The following CCDC141 variants were observed in gnomAD, a reference collection of about 807,000 sequenced individuals.
CCDC141 encodes coiled-coil domain containing 141.
CCDC141 carries 168 observed loss-of-function variants against 181.0 expected under a neutral mutation model. The ratio of observed to expected loss-of-function variants is 0.93; its 90% confidence interval spans 0.82 to 1.05. CCDC141 has a LOEUF of 1.05. Among genes scored for constraint, CCDC141 ranks in the 50% least tolerant of loss-of-function variants. The pLI is 0.00. For missense variants in CCDC141, 1,902 were observed against 1,788.5 expected, an observed-to-expected ratio of 1.06 and a Z score of -1.14; for synonymous variants, 666 against 642.3, an observed-to-expected ratio of 1.04 and a Z score of -0.56.
At chr2:179,041,143 C>G (rs2154388615) in intron 2 of CCDC141, among the ~76,000 whole-genome samples, 1 of 152,164 alleles carries the variant, frequency 6.6e-6, no homozygotes, top group African/African-American at 2.4e-5. Flanking sequence ...GCGATCTCGG[C>G]TCACTGCAAG....
chr2:178,973,827 A>G (rs1325634879), intron 4 of CCDC141, among the ~76,000 whole-genome samples: 2 of 152,184 alleles, frequency 1.3e-5, no homozygotes, highest in African/African-American at 4.8e-5. Flanking sequence ...AATTGAGACT[A>G]CAGAACCCAT....
intron 5 of CCDC141, among the ~76,000 whole-genome samples, chr2:178,954,139 C>T (rs185463346): frequency 1.6e-4 from 24 of 152,270 alleles, no homozygotes; most frequent in Non-Finnish European, 2.4e-4. Context: ...CTGTCGTGTA[C>T]GCAGAGACCA....
intron 8 of CCDC141, among the ~76,000 whole-genome samples, chr2:178,891,288 A>T (rs1218540130): frequency 6.6e-6 from 1 of 152,070 alleles, no homozygotes; most frequent in Non-Finnish European, 1.5e-5. Context: ...CTTCATAACA[A>T]CCCTGTGAGC....
chr2:178,941,958 C>CAAAAAAAAAAAAAAAAAA (rs66903231), intron 6 of CCDC141, among the ~76,000 whole-genome samples: 1 of 71,496 alleles, frequency 1.4e-5, no homozygotes, highest in African/African-American at 6.3e-5. Flanking sequence ...GATCCCATCT[C>CAAAAAAAAAAAAAAAAAA]AAAAAAAAAA....
chr2:178,888,324 C>T lies in CCDC141; in HGVS notation c.1407+203G>A, dbSNP rs145633250. Among the ~76,000 whole-genome samples, 628 of 152,254 alleles carry T rather than the reference C, an allele frequency of 4.1e-3. 3 individuals are homozygous for T. Among genetic ancestry groups the T allele is most frequent in the African/African-American group, 0.014 (575 of 41,554 alleles). ...TGTGTGTATACCTTCAGGCCAGAGG[C>T]GCAGACAGGCCACCTGGGTCAGGGA... On this transcript the variant is annotated intron_variant, in intron 9 of 23. Coordinates refer to ENST00000443758, the MANE Select transcript of CCDC141 (RefSeq NM_173648.4).
At chr2:179,015,394 C>CATATATCTCTCATATATGTATT (rs2042457848) in intron 2 of CCDC141, among the ~76,000 whole-genome samples, 1 of 133,906 alleles carries the variant, frequency 7.5e-6, no homozygotes, top group Non-Finnish European at 1.6e-5. Context: ...ATATATGTAT[C>CATATATCTCTCATATATGTATT]ATATATCTCA....
rs973749839 is a variant in CCDC141 at position 178,858,379 on chromosome 2, G to A, written c.2725-1982C>T. On this transcript the variant is annotated intron_variant, in intron 17 of 23. Transcript: ENST00000443758. ...TTTTATAAGATTGAGATATAAAGGC[G>A]TTATATCCTTAGTAATTTACATAAA... 5.3e-5 allele frequency among the ~76,000 whole-genome samples: 8 copies of A among 152,180 alleles called. No individual in the cohort carries two copies. In the East Asian group the frequency reaches 7.7e-4, roughly 15 times the overall value.
chr2:178,833,122 T>C lies in CCDC141; in HGVS notation c.*1051A>G, dbSNP rs988669766. On this transcript the variant is annotated 3_prime_UTR_variant, in exon 24 of 24. Coordinates refer to ENST00000443758, the MANE Select transcript of CCDC141 (RefSeq NM_173648.4). Reference sequence around the variant, plus strand: ...ATTCATAAAACATCACTTTCCTCCATGGAACTAGTTGAAGATTACATATTA... The same window carrying C: ...ATTCATAAAACATCACTTTCCTCCACGGAACTAGTTGAAGATTACATATTA... 1 of 152,160 alleles carries C rather than the reference T, an allele frequency of 6.6e-6. No individual in the cohort carries two copies. Among genetic ancestry groups the C allele is most frequent in the Admixed American group, 6.6e-5 (1 of 15,258 alleles). 9.4% of individuals were successfully genotyped at this position (152,160 alleles called of 1,614,324 possible).
the CCDC141 span, among the ~76,000 whole-genome samples, chr2:178,821,705 T>C: frequency 6.6e-6 from 1 of 152,086 alleles, no homozygotes; most frequent in South Asian, 2.1e-4. Context: ...AAAACCACAA[T>C]GAGATACCAT....
intron 4 of CCDC141, among the ~76,000 whole-genome samples, chr2:178,962,717 C>T (rs145573893): frequency 2.0e-5 from 3 of 151,764 alleles, no homozygotes; most frequent in African/African-American, 4.8e-5. Context: ...AACAATGGCA[C>T]CCCAATGCCT....
chr2:178,849,441 C>A (rs1685072408), intron 21 of CCDC141, among the ~76,000 whole-genome samples: 1 of 152,198 alleles, frequency 6.6e-6, no homozygotes, highest in South Asian at 2.1e-4. Flanking sequence ...ACAACCAGTT[C>A]TTTCAGCCAG....
At chr2:178,877,731 A>G in intron 12 of CCDC141, 1 of 561,870 alleles carries the variant, frequency 1.8e-6, no homozygotes, top group Non-Finnish European at 3.1e-6. Context: ...TTTGGATTAC[A>G]GTCACTTTCT....
intron 6 of CCDC141, among the ~76,000 whole-genome samples, chr2:178,932,427 T>TA (rs1689136152): frequency 6.6e-6 from 1 of 152,200 alleles, no homozygotes; most frequent in African/African-American, 2.4e-5. Context: ...CACTCTCTGC[T>TA]AAGTAGTCTA....
intron 17 of CCDC141, among the ~76,000 whole-genome samples, chr2:178,857,179 ACTCTCTC>A (rs1685424739): frequency 6.6e-6 from 1 of 151,990 alleles, no homozygotes; most frequent in South Asian, 2.1e-4. Flanking sequence ...ATCTTTTAAT[ACTCTCTC>A]ACAGCCATCA....
intron 2 of CCDC141, among the ~76,000 whole-genome samples, chr2:179,027,075 T>C (rs945197199): frequency 2.6e-5 from 4 of 152,214 alleles, no homozygotes; most frequent in Non-Finnish European, 5.9e-5. Context: ...GACTGTGGAC[T>C]TTTGAGTTAA....
At chr2:178,999,678 T>G (rs1324900267) in intron 2 of CCDC141, among the ~76,000 whole-genome samples, 1 of 152,094 alleles carries the variant, frequency 6.6e-6, no homozygotes, top group African/African-American at 2.4e-5. Context: ...CTTCTGAAAT[T>G]TTTGTGGTTC....
At chr2:178,925,561 C>T (rs1437848731) in intron 6 of CCDC141, among the ~76,000 whole-genome samples, 2 of 152,194 alleles carry the variant, frequency 1.3e-5, no homozygotes, top group East Asian at 3.8e-4. Context: ...AATTTAATTA[C>T]ACAGGAATTC....
rs369522971 is a variant in CCDC141, at chr2:178,834,857, C to T, written c.4326-417G>A. On this transcript the variant is annotated intron_variant, in intron 23 of 23. Transcript: ENST00000443758. ...AGCCTCCTGAGTAGCTGGTATTATGCGCTGTTTATCTTTCAAGCAGAAGTT... is the reference window on the plus strand; with the variant it reads ...AGCCTCCTGAGTAGCTGGTATTATGTGCTGTTTATCTTTCAAGCAGAAGTT... Among the ~76,000 whole-genome samples, 21 of 151,030 alleles carry T rather than the reference C, an allele frequency of 1.4e-4. No homozygotes were observed. The East Asian group carries it at 1.6e-3, about 11-fold the overall frequency.
At chr2:178,818,831 C>G in the CCDC141 span, among the ~76,000 whole-genome samples, 17 of 152,146 alleles carry the variant, frequency 1.1e-4, no homozygotes, top group Non-Finnish European at 2.4e-4. Flanking sequence ...ATTTCTGGTT[C>G]TAGATCTTTG....
Sources: allele counts gnomAD v4.1 joint callset (sites outside exome capture counted in the v4.1 genomes callset), GRCh38; gene constraint gnomAD v4.1.1; transcripts MANE v1.5; gene names NCBI Gene and HGNC (gene_info 2026-07-23, HGNC 2026-07-21).